Variants in TYW1B observed in about 807,000 individuals in gnomAD.
TYW1B encodes S-adenosyl-L-methionine-dependent tRNA 4-demethylwyosine synthase TYW1B.
A neutral mutation model predicts 86.9 loss-of-function variants in TYW1B; 73 were observed. The ratio of observed to expected loss-of-function variants is 0.84; its 90% CI spans 0.70 to 1.02. The LOEUF (loss-of-function observed/expected upper bound fraction) is 1.02. Among genes scored for constraint, TYW1B ranks in the 50% least tolerant of loss-of-function variants. TYW1B has a pLI of 0.00. For missense variants in TYW1B, 637 were observed against 827.4 expected (o/e 0.77, Z 2.82); for synonymous variants, 248 against 292.8 (o/e 0.85, Z 1.56).
chr7:72,792,891 T>C (rs1307324192), intron 6 of TYW1B, among the ~76,000 whole-genome samples: 1 of 152,088 alleles, frequency 6.6e-6, no homozygotes, highest in Non-Finnish European at 1.5e-5. Context: ...AAAACAAAAT[T>C]ATACCAAAAC....
chr7:72,650,085 T>G (rs1554442581), intron 11 of TYW1B, among the ~76,000 whole-genome samples: 1 of 150,764 alleles, frequency 6.6e-6, no homozygotes, highest in African/African-American at 2.4e-5. Context: ...TTTTTTTTTT[T>G]TGGTATTTTT....
chr7:72,678,698 C>T (rs1431560096), intron 11 of TYW1B, among the ~76,000 whole-genome samples: 1 of 148,492 alleles, frequency 6.7e-6, no homozygotes, highest in African/African-American at 2.5e-5. Flanking sequence ...CGCATCATCA[C>T]GCCCAGCTAA....
chr7:72,713,664 A>G lies in TYW1B; in HGVS notation c.1327T>C (p.Ser443Pro). 6.2e-7 allele frequency: 1 copy of G among 1,614,118 alleles called. No individual in the cohort carries two copies. Among genetic ancestry groups the G allele is most frequent in the African/African-American group, 1.3e-5 (1 of 75,060 alleles). The change falls in exon 10 of 14, where the codon TCC becomes CCC. Residue 443 changes from serine (S) to proline (P), a missense_variant. Transcript: ENST00000620995. ...FLKLLHQCKI[S>P]SFLVTNAQFP... ...TGTGCATTTGTGACCAGGAAGCTGG[A>G]GATTTTACACTGGTGGAGTAGCTTC...
rs1810979422 is a variant in TYW1B, at chr7:72,574,709, G to A, written c.*789C>T. Reference sequence around the variant, plus strand: ...GAGACCCGCCGTCTGGTCGTGATATGAGAGGCCCGGACAGTGACCTCACGA... The same window carrying A: ...GAGACCCGCCGTCTGGTCGTGATATAAGAGGCCCGGACAGTGACCTCACGA... On this transcript the variant is annotated 3_prime_UTR_variant, in exon 14 of 14. Coordinates refer to ENST00000620995, the MANE Select transcript of TYW1B (RefSeq NM_001145440.3). The A allele has an allele frequency of 3.0e-6, 3 of 985,304 alleles. No homozygotes were observed. The highest frequency in any genetic ancestry group is 3.6e-6 in the Non-Finnish European group (3 of 829,964). The allele number at this position is 985,304 out of a possible 1,614,324, so 61.0% of individuals were successfully genotyped here. A position where few individuals can be genotyped will look rare whatever the true frequency, so the allele number is the denominator to read the frequency against.
At chr7:72,616,393 G>T (rs1405909378) in intron 13 of TYW1B, among the ~76,000 whole-genome samples, 1 of 152,076 alleles carries the variant, frequency 6.6e-6, no homozygotes, top group Non-Finnish European at 1.5e-5. Flanking sequence ...TTATTACAAG[G>T]GCATTTTGCT....
chr7:72,819,747 A>G (rs1332476430), intron 2 of TYW1B, among the ~76,000 whole-genome samples: 3 of 152,096 alleles, frequency 2.0e-5, no homozygotes, highest in Non-Finnish European at 2.9e-5. Flanking sequence ...CTATGTTTTA[A>G]AAAGGTTTAT....
At chr7:72,663,668 G>A (rs1554444792) in intron 11 of TYW1B, among the ~76,000 whole-genome samples, 1 of 147,742 alleles carries the variant, frequency 6.8e-6, no homozygotes. Flanking sequence ...GGAGGCTGAG[G>A]CAGGAGAATG....
rs144220281 is a variant in TYW1B at position 72,800,176 on chromosome 7, T to C, written c.846+2224A>G. On this transcript the variant is annotated intron_variant, in intron 6 of 13. Transcript: ENST00000620995. ...CATTTGGAAATTATTCTGACATATA[T>C]ACAAGCTAACAGATGTTTCACATCT... Among the ~76,000 whole-genome samples, 495 of 152,130 alleles carry C rather than the reference T, an allele frequency of 3.3e-3. 1 individual carries two copies. Among genetic ancestry groups the C allele is most frequent in the Admixed American group, 5.8e-3 (89 of 15,242 alleles).
At chr7:72,614,853 T>C (rs1400660368) in intron 13 of TYW1B, among the ~76,000 whole-genome samples, 1 of 152,188 alleles carries the variant, frequency 6.6e-6, no homozygotes, top group Non-Finnish European at 1.5e-5. Context: ...GTTAACAAAG[T>C]GTTTCATAAC....
intron 11 of TYW1B, among the ~76,000 whole-genome samples, chr7:72,634,747 T>A (rs1179965535): frequency 6.6e-6 from 1 of 152,222 alleles, no homozygotes; most frequent in Non-Finnish European, 1.5e-5. Flanking sequence ...GTAAGCAAGC[T>A]GAGTTCATAT....
chr7:72,608,731 C>T (rs6950450), intron 13 of TYW1B, among the ~76,000 whole-genome samples: 15,841 of 152,170 alleles, frequency 0.1, 907 homozygotes, highest in Non-Finnish European at 0.11. Flanking sequence ...GTCGAAGTGG[C>T]TCTATTATTG....
chr7:72,679,140 G>A (rs1461959440), intron 11 of TYW1B, among the ~76,000 whole-genome samples: 2 of 152,126 alleles, frequency 1.3e-5, no homozygotes, highest in Non-Finnish European at 2.9e-5. Flanking sequence ...ACAAGACCAA[G>A]TATTCGTGAG....
chr7:72,673,648 C>CA (rs527286211), intron 11 of TYW1B, among the ~76,000 whole-genome samples: 351 of 151,940 alleles, frequency 2.3e-3, no homozygotes, highest in African/African-American at 7.5e-3. Context: ...TTAATGGGTA[C>CA]AAAAAATAGA....
At chr7:72,788,766 CA>C (rs1271175999) in intron 6 of TYW1B, among the ~76,000 whole-genome samples, 6 of 152,112 alleles carry the variant, frequency 3.9e-5, no homozygotes, top group African/African-American at 1.4e-4. Flanking sequence ...CTCCTGACCT[CA>C]GGTGATCTGC....
intron 13 of TYW1B, among the ~76,000 whole-genome samples, chr7:72,595,503 G>T (rs1431157892): frequency 1.3e-5 from 2 of 152,090 alleles, no homozygotes; most frequent in Admixed American, 1.3e-4. Context: ...GGTCAACATG[G>T]TAAAACCCTG....
chr7:72,656,482 C>T (rs1813207589), intron 11 of TYW1B, among the ~76,000 whole-genome samples: 1 of 152,068 alleles, frequency 6.6e-6, no homozygotes, highest in East Asian at 1.9e-4. Context: ...GTGGCTCATG[C>T]CTATAATCCC....
At chr7:72,733,610 G>C (rs78684371) in intron 8 of TYW1B, among the ~76,000 whole-genome samples, 105,716 of 152,072 alleles carry the variant, frequency 0.7, 37,609 homozygotes, top group Non-Finnish European at 0.77. Flanking sequence ...GCAGTGAACT[G>C]AGATTGTGCC....
intron 11 of TYW1B, among the ~76,000 whole-genome samples, chr7:72,682,673 A>G (rs1228704432): frequency 6.6e-6 from 1 of 152,214 alleles, no homozygotes; most frequent in East Asian, 1.9e-4. Context: ...TGAAAAATCA[A>G]CAACTGTTCT....
At chr7:72,757,049 G>T (rs539293538) in intron 7 of TYW1B, among the ~76,000 whole-genome samples, 1 of 152,150 alleles carries the variant, frequency 6.6e-6, no homozygotes, top group African/African-American at 2.4e-5. Flanking sequence ...GAATAAAAAC[G>T]TATCTCCATG....
Sources: gnomAD v4.1 joint callset for allele counts (sites outside exome capture counted in the v4.1 genomes callset) on GRCh38, gnomAD v4.1.1 for gene constraint, MANE v1.5 for transcripts, NCBI Gene and HGNC (gene_info 2026-07-23, HGNC 2026-07-21) for gene names.